COL25A1: variants seen among roughly 807,000 people sequenced by gnomAD.
COL25A1 encodes the protein collagen type XXV alpha 1 chain.
Under a neutral mutation model 128.4 loss-of-function variants are expected in COL25A1, and 103 were observed. That is an observed-to-expected ratio of 0.80 (90% CI 0.68 to 0.94). The LOEUF is 0.94. Among genes scored for constraint, COL25A1 ranks in the 40% least tolerant of loss-of-function variants. The pLI, the probability that COL25A1 is intolerant of heterozygous loss-of-function variation, is 0.00. For synonymous variants in COL25A1, 279 were observed against 277.2 expected, an observed-to-expected ratio of 1.01 and a Z score of -0.06; for missense variants, 745 against 840.0, an observed-to-expected ratio of 0.89 and a Z score of 1.40.
intron 19 of COL25A1, among the ~76,000 whole-genome samples, chr4:108,875,663 A>G (rs1330151800): frequency 6.6e-6 from 1 of 152,332 alleles, no homozygotes; most frequent in East Asian, 1.9e-4. Context: ...GCGACTCCTC[A>G]AGGATCTAGA....
chr4:109,239,109 C>T (rs1779661180), intron 3 of COL25A1, among the ~76,000 whole-genome samples: 1 of 151,874 alleles, frequency 6.6e-6, no homozygotes, highest in Non-Finnish European at 1.5e-5. Flanking sequence ...AAATGCATTC[C>T]ATCATTGCTA....
chr4:108,967,432 G>A (rs1252626881), intron 8 of COL25A1, among the ~76,000 whole-genome samples: 1 of 152,148 alleles, frequency 6.6e-6, no homozygotes, highest in Non-Finnish European at 1.5e-5. Flanking sequence ...TACAATTTAT[G>A]TCAACTTGGG....
intron 3 of COL25A1, among the ~76,000 whole-genome samples, chr4:109,255,812 T>A (rs1781039654): frequency 6.6e-6 from 1 of 152,228 alleles, no homozygotes; most frequent in African/African-American, 2.4e-5. Context: ...GAATACTACA[T>A]CTGTTATATA....
In COL25A1 at chr4:108,845,182, G is replaced by A; in HGVS notation, c.1578+7C>T. 4 of 1,611,772 alleles carry A rather than the reference G, an allele frequency of 2.5e-6. No individual in the cohort carries two copies. The highest frequency in any genetic ancestry group is 3.4e-6 in the Non-Finnish European group (4 of 1,177,836). On this transcript the variant is annotated splice_region_variant and intron_variant, in intron 29 of 37. Coordinates refer to ENST00000399132, the MANE Select transcript of COL25A1 (RefSeq NM_198721.4). ...GAACAATGGAAGTTCAGCCACCATG[G>A]ACTTACAGAAGGACCCTGTGGACCC...
chr4:109,231,624 T>C (rs767503637), intron 3 of COL25A1, among the ~76,000 whole-genome samples: 1 of 152,208 alleles, frequency 6.6e-6, no homozygotes, highest in African/African-American at 2.4e-5. Context: ...GCTTGCTTTA[T>C]GTTTTTAAGC....
At chr4:109,101,959 A>G (rs1433817516) in intron 3 of COL25A1, among the ~76,000 whole-genome samples, 2 of 152,196 alleles carry the variant, frequency 1.3e-5, no homozygotes, top group African/African-American at 4.8e-5. Context: ...CAGACTATCA[A>G]TTTTATAAAA....
At chr4:109,100,540 G>A (rs1393973938) in intron 3 of COL25A1, among the ~76,000 whole-genome samples, 2 of 151,932 alleles carry the variant, frequency 1.3e-5, no homozygotes, top group African/African-American at 4.8e-5. Flanking sequence ...ATTGAAATAA[G>A]GAGAATTCAT....
chr4:109,083,639 T>C (rs2125997845), intron 3 of COL25A1, among the ~76,000 whole-genome samples: 2 of 151,974 alleles, frequency 1.3e-5, no homozygotes, highest in South Asian at 4.2e-4. Context: ...ATTTTTTGTA[T>C]TTTTAGTAGA....
intron 30 of COL25A1, among the ~76,000 whole-genome samples, chr4:108,842,840 C>T (rs763289538): frequency 3.3e-5 from 5 of 152,042 alleles, no homozygotes; most frequent in Non-Finnish European, 5.9e-5. Flanking sequence ...AATGAACCAT[C>T]CAGTTTTAAG....
intron 6 of COL25A1, among the ~76,000 whole-genome samples, chr4:108,984,839 C>A (rs1435301889): frequency 6.6e-6 from 1 of 152,244 alleles, no homozygotes; most frequent in East Asian, 1.9e-4. Context: ...CAAGTGCCGC[C>A]AAAGTGGGAG....
chr4:109,205,073 A>T (rs749366446), intron 3 of COL25A1, among the ~76,000 whole-genome samples: 1 of 152,168 alleles, frequency 6.6e-6, no homozygotes, highest in Non-Finnish European at 1.5e-5. Context: ...CCTTATAAGA[A>T]ATACATAATT....
chr4:109,054,443 C>T (rs1761276066), intron 3 of COL25A1, among the ~76,000 whole-genome samples: 1 of 152,154 alleles, frequency 6.6e-6, no homozygotes, highest in Non-Finnish European at 1.5e-5. Context: ...ACAAGTGTTT[C>T]CTTCATTTTT....
chr4:109,208,066 A>G (rs1035410455), intron 3 of COL25A1, among the ~76,000 whole-genome samples: 1 of 152,212 alleles, frequency 6.6e-6, no homozygotes, highest in African/African-American at 2.4e-5. Flanking sequence ...AGAAAGAGAC[A>G]CGCATATATA....
chr4:108,865,344 C>T (rs567905534), intron 20 of COL25A1, among the ~76,000 whole-genome samples: 1 of 151,976 alleles, frequency 6.6e-6, no homozygotes, highest in Admixed American at 6.6e-5. Context: ...CTTTGGGAAG[C>T]CTTTGTGGTT....
At chr4:109,237,375 T>C (rs1234789529) in intron 3 of COL25A1, among the ~76,000 whole-genome samples, 1 of 152,094 alleles carries the variant, frequency 6.6e-6, no homozygotes, top group Non-Finnish European at 1.5e-5. Flanking sequence ...CACGAGGTAT[T>C]TAGAAAAATT....
chr4:108,811,777 G>C lies in COL25A1; in HGVS notation c.*2150C>G, dbSNP rs577336412. The C allele has an allele frequency of 3.9e-5, 6 of 152,168 alleles. No homozygotes were observed. Among genetic ancestry groups the C allele is most frequent in the African/African-American group, 1.4e-4 (6 of 41,532 alleles). 9.4% of individuals were successfully genotyped at this position (152,168 alleles called of 1,614,324 possible). A position where few individuals can be genotyped will look rare whatever the true frequency, so the allele number is the denominator to read the frequency against. ...AGGGGTGTGGAATGTTACCAGAAAT[G>C]TTACCAATTAGACTGATCTAATAGT... On this transcript the variant is annotated 3_prime_UTR_variant, in exon 38 of 38. Transcript: ENST00000399132.
At chr4:109,088,459 CATT>C (rs1482342960) in intron 3 of COL25A1, among the ~76,000 whole-genome samples, 1 of 152,080 alleles carries the variant, frequency 6.6e-6, no homozygotes, top group Non-Finnish European at 1.5e-5. Flanking sequence ...TATGGGGTGA[CATT>C]ATAATTTATG....
At chr4:108,969,536 C>T (rs1419596128) in intron 8 of COL25A1, among the ~76,000 whole-genome samples, 2 of 152,178 alleles carry the variant, frequency 1.3e-5, no homozygotes, top group African/African-American at 4.8e-5. Flanking sequence ...AACTCATATC[C>T]TAGCTTTCAT....
intron 8 of COL25A1, among the ~76,000 whole-genome samples, chr4:108,941,818 C>T (rs1748139110): frequency 6.6e-6 from 1 of 152,204 alleles, no homozygotes; most frequent in African/African-American, 2.4e-5. Context: ...GACTTGTCAA[C>T]CAGCATAATG....
Sources: allele counts gnomAD v4.1 joint callset (sites outside exome capture counted in the v4.1 genomes callset), GRCh38; gene constraint gnomAD v4.1.1; transcripts MANE v1.5; gene names NCBI Gene and HGNC (gene_info 2026-07-23, HGNC 2026-07-21).